CRAMP1: variants seen among roughly 807,000 people sequenced by gnomAD.
CRAMP1 encodes protein cramped-like.
A neutral mutation model predicts 115.4 loss-of-function variants in CRAMP1; 50 were observed. That is an observed-to-expected ratio of 0.43 (90% CI 0.35 to 0.55). The LOEUF (loss-of-function observed/expected upper bound fraction) is 0.55, where lower values mean the gene tolerates loss of function less well. CRAMP1 is among the 20% of genes least tolerant of loss of function. The pLI, the probability that CRAMP1 is intolerant of heterozygous loss-of-function variation, is 0.01. For synonymous variants in CRAMP1, 866 were observed against 745.4 expected (o/e 1.16, Z -2.64); for missense variants, 1,679 against 1,721.7 (o/e 0.98, Z 0.44).
rs578017143 is a variant in CRAMP1, at chr16:1,666,672, A to G, written c.3036+72A>G. On this transcript the variant is annotated intron_variant, in intron 16 of 20. Coordinates refer to ENST00000397412, the MANE Select transcript of CRAMP1 (RefSeq NM_020825.4). The surrounding 1 kb of genome is among the most constrained non-coding windows in gnomAD (Gnocchi z 5.0). Reference sequence around the variant, plus strand: ...TGTGGACGCCAAAGCCATGGGGCTGAGATCACGCTGGACTCCAGCTCTGCC... The same window carrying G: ...TGTGGACGCCAAAGCCATGGGGCTGGGATCACGCTGGACTCCAGCTCTGCC... 1.5e-5 allele frequency: 21 copies of G among 1,401,050 alleles called. No individual in the cohort carries two copies. Among genetic ancestry groups the G allele is most frequent in the East Asian group, 9.2e-5 (4 of 43,522 alleles). 86.8% of individuals were successfully genotyped at this position (1,401,050 alleles called of 1,614,324 possible). A position where few individuals can be genotyped will look rare whatever the true frequency, so the allele number is the denominator to read the frequency against.
chr16:1,645,400 C>G (rs931857861), intron 6 of CRAMP1: 2 of 215,414 alleles, frequency 9.3e-6, no homozygotes, highest in African/African-American at 4.7e-5. Flanking sequence ...GTTGGCCAGG[C>G]TGGTCTTGAA....
At chr16:1,626,195 C>T in intron 3 of CRAMP1, 29 bp downstream of exon 3, 1 of 1,454,254 alleles carries the variant, frequency 6.9e-7, no homozygotes, top group Non-Finnish European at 9.1e-7. Flanking sequence ...CACGGCCAGG[C>T]AGCCTGGGCG....
chr16:1,667,167 G>A (rs971537902), intron 16 of CRAMP1, among the ~76,000 whole-genome samples, 168 bp from the exon 17 acceptor site: 1 of 152,252 alleles, frequency 6.6e-6, no homozygotes, highest in Non-Finnish European at 1.5e-5. Context: ...ACACCTGAAA[G>A]TAGCCTTTCA....
intron 14 of CRAMP1, among the ~76,000 whole-genome samples, chr16:1,665,352 G>GC: frequency 6.6e-6 from 1 of 152,364 alleles, no homozygotes; most frequent in South Asian, 2.1e-4. Context: ...TCCAAAGGGT[G>GC]CCCTTCGTCT....
At chr16:1,649,117 C>T (rs1293013459) in intron 6 of CRAMP1, among the ~76,000 whole-genome samples, 1 of 151,944 alleles carries the variant, frequency 6.6e-6, no homozygotes, top group Admixed American at 6.5e-5. Context: ...GACTCATCCT[C>T]TCTAAATTAT....
At chr16:1,620,554 A>G in intron 2 of CRAMP1, 1 of 434,402 alleles carries the variant, frequency 2.3e-6, no homozygotes, top group East Asian at 7.3e-5. Context: ...CAAACCACAG[A>G]AAGAGTGCTC....
chr16:1,642,994 G>A (rs1340511699), intron 6 of CRAMP1, among the ~76,000 whole-genome samples: 2 of 152,204 alleles, frequency 1.3e-5, no homozygotes, highest in Non-Finnish European at 2.9e-5. Context: ...ACGGGCACAG[G>A]GAGTTCCCAG....
intron 1 of CRAMP1, among the ~76,000 whole-genome samples, 76 bp downstream of exon 1, chr16:1,612,733 C>T (rs1004892900): frequency 6.6e-6 from 1 of 150,994 alleles, no homozygotes; most frequent in African/African-American, 2.4e-5. Context: ...CGGGAGAGCG[C>T]GGGGGGGGCG....
In CRAMP1 at chr16:1,626,213, C is replaced by T. The variant is rs751645375; in HGVS notation, c.540+47C>T. 73 of 1,414,556 alleles carry T rather than the reference C, an allele frequency of 5.2e-5. 2 individuals are homozygous for T. Among genetic ancestry groups the T allele is most frequent in the South Asian group, 4.9e-4 (33 of 67,316 alleles). The allele number at this position is 1,414,556 out of a possible 1,614,324, so 87.6% of individuals were successfully genotyped here. On this transcript the variant is annotated intron_variant, in intron 3 of 20. Transcript: ENST00000397412. ...GGCCAGGCAGCCTGGGCGTCCCTCT[C>T]GGATCCCTGCCCTCCGTTCCCCGTG...
intron 20 of CRAMP1, among the ~76,000 whole-genome samples, chr16:1,673,041 T>A (rs112004289): frequency 6.6e-6 from 1 of 151,872 alleles, no homozygotes; most frequent in East Asian, 1.9e-4. Context: ...CCTCACCACA[T>A]GTCCTTGGGA....
intron 2 of CRAMP1, among the ~76,000 whole-genome samples, chr16:1,616,151 C>G (rs2142166002): frequency 6.6e-6 from 1 of 152,332 alleles, no homozygotes; most frequent in Middle Eastern, 3.4e-3. Flanking sequence ...AAACTTGCCT[C>G]ATATGAATTT....
Position 1,637,302 on chromosome 16 carries a change from G to GAA in CRAMP1, c.695-509_695-508dup, listed in dbSNP as rs565072995. 5.5e-5 allele frequency among the ~76,000 whole-genome samples: 7 copies of GAA among 127,790 alleles called. No individual in the cohort carries two copies. The South Asian group carries it at 1.1e-3, about 19-fold the overall frequency. 83.8% of individuals were successfully genotyped at this position (127,790 alleles called of 152,430 possible). On this transcript the variant is annotated intron_variant, in intron 4 of 20. Transcript: ENST00000397412. ...GAGTGAGACCCTGTCTCCAAGAAAA[G>GAA]AAAAAAAAAAAAAACAGGGCCTCTT...
intron 2 of CRAMP1, among the ~76,000 whole-genome samples, chr16:1,624,082 C>T (rs1596482709): frequency 6.6e-6 from 1 of 151,792 alleles, no homozygotes; most frequent in Non-Finnish European, 1.5e-5. Flanking sequence ...CAACGATGGC[C>T]GCATGTGGAC....
At chr16:1,663,977 G>T (rs2036853902) in intron 13 of CRAMP1, among the ~76,000 whole-genome samples, 1 of 152,194 alleles carries the variant, frequency 6.6e-6, no homozygotes, top group South Asian at 2.1e-4. Flanking sequence ...CAGAAAAAGT[G>T]TGTCAATCTC....
chr16:1,615,913 G>C (rs1279375670), intron 2 of CRAMP1, among the ~76,000 whole-genome samples: 2 of 152,182 alleles, frequency 1.3e-5, no homozygotes, highest in Non-Finnish European at 2.9e-5. Flanking sequence ...TACATTTAGT[G>C]AATGGTCCTG....
chr16:1,660,250 G>C (rs1269086501), intron 11 of CRAMP1, among the ~76,000 whole-genome samples, 187 bp downstream of exon 11: 1 of 152,220 alleles, frequency 6.6e-6, no homozygotes, highest in African/African-American at 2.4e-5. Context: ...GGTGATGCCA[G>C]GGCTTGTCGT....
intron 3 of CRAMP1, among the ~76,000 whole-genome samples, chr16:1,626,541 G>A (rs1258394848): frequency 1.3e-5 from 2 of 151,810 alleles, no homozygotes; most frequent in African/African-American, 2.4e-5. Context: ...TTGAGGGGAG[G>A]CACAAGGCGG....
intron 6 of CRAMP1, among the ~76,000 whole-genome samples, chr16:1,644,025 G>C (rs1022819499): frequency 6.6e-6 from 1 of 152,268 alleles, no homozygotes; most frequent in Admixed American, 6.5e-5. Flanking sequence ...AGACTGGGCA[G>C]GTGGCAAAAG....
intron 13 of CRAMP1, among the ~76,000 whole-genome samples, chr16:1,664,794 A>G (rs1039898134): frequency 6.6e-5 from 10 of 151,928 alleles, no homozygotes; most frequent in Admixed American, 3.3e-4. Flanking sequence ...AAAAAAAAAA[A>G]AGTGGATGAC....
Sources: gnomAD v4.1 joint callset for allele counts (sites outside exome capture counted in the v4.1 genomes callset) on GRCh38, gnomAD v4.1.1 for gene constraint, Gnocchi (gnomAD v3.1) non-coding constraint, MANE v1.5 for transcripts, NCBI Gene and HGNC (gene_info 2026-07-23, HGNC 2026-07-21) for gene names.